Variants in FTO observed in about 807,000 individuals in gnomAD.
FTO encodes FTO alpha-ketoglutarate dependent dioxygenase.
In FTO, 47 loss-of-function variants were observed where a neutral mutation model predicts 63.9. The ratio of observed to expected loss-of-function variants is 0.74; its 90% CI spans 0.58 to 0.94. The LOEUF (loss-of-function observed/expected upper bound fraction) is 0.94, where lower values mean the gene tolerates loss of function less well. Among genes scored for constraint, FTO ranks in the 40% least tolerant of loss-of-function variants. FTO has a pLI of 0.00. For synonymous variants in FTO, 207 were observed against 224.4 expected, an observed-to-expected ratio of 0.92 and a Z score of 0.69; for missense variants, 562 against 618.1, an observed-to-expected ratio of 0.91 and a Z score of 0.96.
At chr16:54,068,861 G>T (rs1010257084) in intron 8 of FTO, among the ~76,000 whole-genome samples, 1 of 151,930 alleles carries the variant, frequency 6.6e-6, no homozygotes, top group East Asian at 1.9e-4. Flanking sequence ...TGCGGTAACT[G>T]TTCCCTGATA....
chr16:53,948,789 A>G (rs1329880680), intron 8 of FTO, among the ~76,000 whole-genome samples: 1 of 152,226 alleles, frequency 6.6e-6, no homozygotes, highest in Admixed American at 6.5e-5. Flanking sequence ...CTGCTATAGA[A>G]TGAAAGTCCT....
chr16:54,006,358 A>T (rs1401698375), intron 8 of FTO, among the ~76,000 whole-genome samples: 1 of 152,080 alleles, frequency 6.6e-6, no homozygotes, highest in Non-Finnish European at 1.5e-5. Flanking sequence ...GATCAGAAAG[A>T]TTCTTTGCTG....
chr16:54,081,183 G>A (rs1020429543), intron 8 of FTO, among the ~76,000 whole-genome samples: 4 of 152,046 alleles, frequency 2.6e-5, no homozygotes, highest in Non-Finnish European at 4.4e-5. Flanking sequence ...AAGCCAACTT[G>A]TAGAGGGGAG....
At chr16:54,090,481 G>A (rs868272382) in intron 8 of FTO, among the ~76,000 whole-genome samples, 51 of 152,120 alleles carry the variant, frequency 3.4e-4, no homozygotes, top group African/African-American at 1.2e-3. Flanking sequence ...AACATTGTAA[G>A]TGTAAATGTG....
chr16:53,906,892 C>A (rs376717417), intron 7 of FTO, among the ~76,000 whole-genome samples: 1 of 152,172 alleles, frequency 6.6e-6, no homozygotes, highest in African/African-American at 2.4e-5. Context: ...ACTTCCCTCT[C>A]TCCACCCCAG....
At chr16:53,866,881 T>C (rs2080332581) in intron 4 of FTO, among the ~76,000 whole-genome samples, 1 of 152,098 alleles carries the variant, frequency 6.6e-6, no homozygotes, top group Non-Finnish European at 1.5e-5. Context: ...CATTAACTTT[T>C]ATTGTTTCTT....
At chr16:53,950,155 TAAAAAAAAAAAAA>T (rs57925273) in intron 8 of FTO, among the ~76,000 whole-genome samples, 1 of 50,604 alleles carries the variant, frequency 2.0e-5, no homozygotes, top group Non-Finnish European at 4.4e-5. Context: ...TTCACATTTG[TAAAAAAAAAAAAA>T]AAAAAAAAAA....
intron 8 of FTO, among the ~76,000 whole-genome samples, chr16:54,002,022 G>T (rs2084080215): frequency 6.6e-6 from 1 of 152,216 alleles, no homozygotes; most frequent in African/African-American, 2.4e-5. Flanking sequence ...CTTTCTACTT[G>T]AATGCATGCT....
intron 8 of FTO, chr16:53,979,535 CTG>C (rs57334871): frequency 0.17 from 61,442 of 361,006 alleles, 1,142 homozygotes; most frequent in Middle Eastern, 0.19. Flanking sequence ...ATGTTTATGG[CTG>C]TGTGTGTGTG....
At chr16:54,034,539 G>C (rs1215213038) in intron 8 of FTO, among the ~76,000 whole-genome samples, 1 of 152,164 alleles carries the variant, frequency 6.6e-6, no homozygotes, top group Non-Finnish European at 1.5e-5. Context: ...TCTGTGTACA[G>C]TAGTGTGTCC....
intron 7 of FTO, among the ~76,000 whole-genome samples, chr16:53,897,652 TG>T (rs1227704158): frequency 6.6e-6 from 1 of 152,174 alleles, no homozygotes. Context: ...TTTTAAAGGA[TG>T]GGAGTGGTGG....
At chr16:54,042,244 G>C (rs1226548100) in intron 8 of FTO, among the ~76,000 whole-genome samples, 3 of 144,742 alleles carry the variant, frequency 2.1e-5, no homozygotes, top group Non-Finnish European at 4.5e-5. Flanking sequence ...AGGCCAGTGT[G>C]TGTGCGCACC....
intron 1 of FTO, among the ~76,000 whole-genome samples, chr16:53,719,165 T>G (rs2075968088): frequency 6.6e-6 from 1 of 152,224 alleles, no homozygotes; most frequent in African/African-American, 2.4e-5. Context: ...CTCCTCCCTG[T>G]CTTCTTGGGA....
At chr16:53,754,413 G>A (rs1180620882) in intron 1 of FTO, among the ~76,000 whole-genome samples, 1 of 152,206 alleles carries the variant, frequency 6.6e-6, no homozygotes, top group Non-Finnish European at 1.5e-5. Flanking sequence ...TAAGGTGGGT[G>A]GATTACTTGA....
intron 4 of FTO, among the ~76,000 whole-genome samples, chr16:53,858,740 A>G (rs1044890081): frequency 6.6e-6 from 1 of 151,036 alleles, no homozygotes; most frequent in Non-Finnish European, 1.5e-5. Flanking sequence ...GGCTCACTGC[A>G]ACCTCCGCCT....
At chr16:53,911,232 T>C in intron 7 of FTO, 2 of 588,202 alleles carry the variant, frequency 3.4e-6, no homozygotes, top group Admixed American at 2.7e-5. Context: ...GGCTGAGCGA[T>C]TGGAGTGAGT....
At chr16:54,088,795 C>T (rs2086309975) in intron 8 of FTO, among the ~76,000 whole-genome samples, 1 of 152,190 alleles carries the variant, frequency 6.6e-6, no homozygotes, top group Non-Finnish European at 1.5e-5. Flanking sequence ...TACCACTGCA[C>T]ACTGGGAAAA....
chr16:53,952,944 TTACA>T (rs1157185779), intron 8 of FTO, among the ~76,000 whole-genome samples: 1 of 152,186 alleles, frequency 6.6e-6, no homozygotes, highest in African/African-American at 2.4e-5. Context: ...TTATGACTAG[TTACA>T]TTGCACAAGG....
At chr16:54,062,999 C>T (rs1401011209) in intron 8 of FTO, among the ~76,000 whole-genome samples, 1 of 152,080 alleles carries the variant, frequency 6.6e-6, no homozygotes, top group Admixed American at 6.5e-5. Context: ...GAGGGGTGTG[C>T]GGGGAGGTTA....
Sources: gnomAD v4.1 joint callset for allele counts (sites outside exome capture counted in the v4.1 genomes callset) on GRCh38, gnomAD v4.1.1 for gene constraint, MANE v1.5 for transcripts, NCBI Gene and HGNC (gene_info 2026-07-23, HGNC 2026-07-21) for gene names.